CAT: variants seen among roughly 807,000 people sequenced by gnomAD.
The protein encoded by CAT is catalase, also known as epididymis secretory sperm binding protein.
A neutral mutation model predicts 59.0 loss-of-function variants in CAT; 43 were observed. That is an observed-to-expected ratio of 0.73 (90% CI 0.57 to 0.94). The LOEUF (loss-of-function observed/expected upper bound fraction) is 0.94. CAT is among the 40% of genes least tolerant of loss of function. The pLI is 0.00. For synonymous variants in CAT, 218 were observed against 230.9 expected, an observed-to-expected ratio of 0.94 and a Z score of 0.51; for missense variants, 664 against 682.9, an observed-to-expected ratio of 0.97 and a Z score of 0.31.
At chr11:34,461,179 T>A in intron 8 of CAT, 72 bp from the exon 9 acceptor site, 4 of 1,524,736 alleles carry the variant, frequency 2.6e-6, no homozygotes, top group Non-Finnish European at 3.6e-6. Flanking sequence ...AATTTCAGAA[T>A]GAAGTTTACA....
chr11:34,445,495 CAA>C (rs58169234), intron 1 of CAT, among the ~76,000 whole-genome samples: 158 of 36,318 alleles, frequency 4.4e-3, no homozygotes, highest in African/African-American at 0.018. Flanking sequence ...GACTCCATCT[CAA>C]AAAAAAAAAA....
At chr11:34,461,803 T>TG (rs1433857897) in intron 9 of CAT, among the ~76,000 whole-genome samples, 2 of 152,190 alleles carry the variant, frequency 1.3e-5, no homozygotes, top group African/African-American at 4.8e-5. Flanking sequence ...AGCCAAGAGT[T>TG]GGAGTCTTCT....
At chr11:34,454,180 T>A (rs1305643357) in intron 6 of CAT, among the ~76,000 whole-genome samples, 1 of 152,246 alleles carries the variant, frequency 6.6e-6, no homozygotes, top group Non-Finnish European at 1.5e-5. Flanking sequence ...TTTAACTTTT[T>A]AAGTCATCCA....
chr11:34,446,345 C>T (rs1856455063), intron 1 of CAT, among the ~76,000 whole-genome samples: 1 of 152,124 alleles, frequency 6.6e-6, no homozygotes, highest in Non-Finnish European at 1.5e-5. Flanking sequence ...ATTCTGAAGC[C>T]TCCATTTGTA....
intron 1 of CAT, among the ~76,000 whole-genome samples, chr11:34,439,844 G>C (rs1173483142): frequency 6.6e-6 from 1 of 152,202 alleles, no homozygotes; most frequent in Non-Finnish European, 1.5e-5. Context: ...AGCGTGGTGA[G>C]GGCTCTAATA....
intron 9 of CAT, among the ~76,000 whole-genome samples, chr11:34,461,675 C>T (rs1396151557): frequency 6.6e-6 from 1 of 152,238 alleles, no homozygotes; most frequent in Non-Finnish European, 1.5e-5. Context: ...ATCTTTCACA[C>T]TGGCTAGAGT....
intron 8 of CAT, chr11:34,457,077 T>TA (rs72365439): frequency 0.084 from 35,270 of 419,070 alleles, 987 homozygotes; most frequent in East Asian, 0.2. Flanking sequence ...CTCTCTTAAT[T>TA]AAAAAAAAAA....
rs1011759731 is a variant in CAT at position 34,465,222 on chromosome 11, A to G, written c.1326+987A>G. 2.6e-5 allele frequency among the ~76,000 whole-genome samples: 4 copies of G among 152,318 alleles called. No homozygotes were observed. The South Asian group carries it at 8.3e-4, about 32-fold the overall frequency. On this transcript the variant is annotated intron_variant, in intron 10 of 12. Coordinates refer to ENST00000241052, the MANE Select transcript of CAT (RefSeq NM_001752.4). ...TAGTATTTAAATTAGATTAGAACCT[A>G]TTTCTAGTTTCTCAGTTTGTGAATG... is the stretch of plus-strand genomic sequence containing the variant.
In CAT at chr11:34,456,050, G is replaced by T; in HGVS notation, c.751G>T (p.Ala251Ser). Residue 251 changes from alanine to serine, a missense_variant, in exon 7 of 13, where the codon GCG becomes TCG. Transcript: ENST00000241052. The stretch of plus-strand genomic sequence containing the variant: ...CAAAAACCTTTCTGTTGAAGATGCG[G>T]CGAGACTTTCCCAGGAAGATCCTGA... ...GIKNLSVEDAARLSQEDPDYG... is the reference protein window; with the variant it reads ...GIKNLSVEDASRLSQEDPDYG... 1 of 1,614,012 alleles carries T rather than the reference G, an allele frequency of 6.2e-7. No individual in the cohort carries two copies.
chr11:34,466,473 TA>T (rs1454916897), intron 10 of CAT, among the ~76,000 whole-genome samples: 1 of 151,898 alleles, frequency 6.6e-6, no homozygotes, highest in Non-Finnish European at 1.5e-5. Flanking sequence ...AATGACTGAT[TA>T]ATAGGTTTGA....
chr11:34,447,467 A>C (rs1856471014), intron 1 of CAT, among the ~76,000 whole-genome samples: 1 of 152,182 alleles, frequency 6.6e-6, no homozygotes, highest in African/African-American at 2.4e-5. Context: ...ACAGAGGGTA[A>C]CACGTATTAG....
At chr11:34,467,710 ATTT>A (rs2133860052) in intron 10 of CAT, among the ~76,000 whole-genome samples, 1 of 152,200 alleles carries the variant, frequency 6.6e-6, no homozygotes, top group Admixed American at 6.5e-5. Flanking sequence ...CTAAGCTCCT[ATTT>A]TTCATTTTAA....
intron 1 of CAT, 128 bp downstream of exon 1, chr11:34,439,207 G>A (rs1307568881): frequency 1.1e-6 from 1 of 895,334 alleles, no homozygotes. Flanking sequence ...GGGCAGGGGG[G>A]ATCCCCTTCG....
intron 5 of CAT, 98 bp from the exon 6 acceptor site, chr11:34,453,703 T>G: frequency 3.5e-6 from 4 of 1,128,562 alleles, no homozygotes; most frequent in Non-Finnish European, 5.3e-6. Flanking sequence ...ATGTTTTATG[T>G]CATTAAGGGA....
Position 34,460,446 on chromosome 11 carries a change from C to CCTT in CAT, c.1057-805_1057-804insCTT, listed in dbSNP as rs764827639. ...GAAGGCAGCATGGGAGTGGGCGGTA[C>CCTT]TTTTTTTTTTTTTTTTTTTTTTTTT... On this transcript the variant is annotated intron_variant, in intron 8 of 12. Transcript: ENST00000241052. 5.0e-4 allele frequency among the ~76,000 whole-genome samples: 42 copies of CCTT among 84,480 alleles called. 1 individual carries two copies. Among genetic ancestry groups the CCTT allele is most frequent in the East Asian group, 9.3e-4 (3 of 3,234 alleles). 55.4% of individuals were successfully genotyped at this position (84,480 alleles called of 152,430 possible).
At chr11:34,469,119 TG>T in intron 11 of CAT, among the ~76,000 whole-genome samples, 1 of 152,328 alleles carries the variant, frequency 6.6e-6, no homozygotes, top group South Asian at 2.1e-4. Flanking sequence ...CTCTCACTTC[TG>T]GTTTCCTGGC....
intron 10 of CAT, 148 bp from the exon 11 acceptor site, chr11:34,468,140 A>G (rs1450852063): frequency 1.0e-5 from 7 of 692,016 alleles, no homozygotes; most frequent in Non-Finnish European, 1.8e-5. Context: ...ACAAAAAGTG[A>G]AGGACACAAC....
At chr11:34,470,734 T>C (rs2133861499) in intron 11 of CAT, 1 of 581,208 alleles carries the variant, frequency 1.7e-6, no homozygotes, top group East Asian at 3.1e-5. Flanking sequence ...ATAAGCTCAG[T>C]AAGTTAAGTG....
chr11:34,439,663 G>A (rs960059870), intron 1 of CAT, among the ~76,000 whole-genome samples: 7 of 152,172 alleles, frequency 4.6e-5, no homozygotes, highest in East Asian at 1.9e-4. Context: ...TTAGAGCTGG[G>A]GGGTGACATT....
Sources: allele counts gnomAD v4.1 joint callset (sites outside exome capture counted in the v4.1 genomes callset), GRCh38; gene constraint gnomAD v4.1.1; transcripts MANE v1.5; gene names NCBI Gene and HGNC (gene_info 2026-07-23, HGNC 2026-07-21).